Variants in SLC35F3 observed in about 807,000 individuals in gnomAD.
The protein encoded by SLC35F3 is putative thiamine transporter SLC35F3.
SLC35F3 carries 25 observed loss-of-function variants against 49.9 expected under a neutral mutation model. The observed-to-expected ratio is 0.50, with a 90% CI of 0.37 to 0.70. The LOEUF is 0.70. SLC35F3 is among the 30% of genes least tolerant of loss of function. The pLI is 0.00. For missense variants in SLC35F3, 525 were observed against 639.8 expected (o/e 0.82, Z 1.94); for synonymous variants, 275 against 265.4 (o/e 1.04, Z -0.35).
rs4615909 is a variant in SLC35F3 at position 233,957,746 on chromosome 1, A to T, written c.283+51988A>T. Among the ~76,000 whole-genome samples, 146,528 of 152,148 alleles carry T rather than the reference A, an allele frequency of 0.96. 70,793 individuals are homozygous for T. Among genetic ancestry groups the T allele is most frequent in the Middle Eastern group, 1 (294 of 294 alleles). On this transcript the variant is annotated intron_variant, in intron 2 of 7. Coordinates refer to ENST00000366618, the MANE Select transcript of SLC35F3 (RefSeq NM_173508.4). This position sits in a 1 kb window ranked among gnomAD's most constrained non-coding sequence, Gnocchi z 4.0. Reference sequence around the variant, plus strand: ...AGGAGAATCACTTGAACCCAAGAGGATGAGGTTGCATTGAGCCGAGACTGC... The same window carrying T: ...AGGAGAATCACTTGAACCCAAGAGGTTGAGGTTGCATTGAGCCGAGACTGC...
intron 3 of SLC35F3, among the ~76,000 whole-genome samples, chr1:234,280,851 C>A (rs77881368): frequency 0.061 from 9,239 of 152,236 alleles, 345 homozygotes; most frequent in African/African-American, 0.1. Context: ...GCAGAATTTG[C>A]ACCCAAGTAG....
intron 2 of SLC35F3, among the ~76,000 whole-genome samples, chr1:234,007,030 C>T (rs1264430477): frequency 1.3e-5 from 2 of 152,018 alleles, no homozygotes; most frequent in Non-Finnish European, 2.9e-5. Context: ...GCTGTTGATC[C>T]GAAACAGCCA....
chr1:233,944,068 A>G (rs1304024462), intron 2 of SLC35F3, among the ~76,000 whole-genome samples: 2 of 152,218 alleles, frequency 1.3e-5, no homozygotes, highest in South Asian at 2.1e-4. Flanking sequence ...ATAGCACTAA[A>G]TGCCCTATCC....
At chr1:234,073,487 T>C (rs1405184530) in intron 2 of SLC35F3, among the ~76,000 whole-genome samples, 2 of 152,168 alleles carry the variant, frequency 1.3e-5, no homozygotes, top group Non-Finnish European at 1.5e-5. Flanking sequence ...GCACCTTGCA[T>C]AGCTGGATAA....
intron 2 of SLC35F3, among the ~76,000 whole-genome samples, chr1:234,106,524 C>T (rs1665286553): frequency 6.6e-6 from 1 of 152,182 alleles, no homozygotes; most frequent in African/African-American, 2.4e-5. Context: ...TTGCTGTATC[C>T]TCACATGGCG....
At chr1:233,906,130 T>G (rs540184090) in intron 2 of SLC35F3, among the ~76,000 whole-genome samples, 1 of 152,328 alleles carries the variant, frequency 6.6e-6, no homozygotes, top group East Asian at 1.9e-4. Context: ...GGGCCCTCGG[T>G]CAGGTCTCAC....
chr1:234,053,545 G>A (rs1286696088), intron 2 of SLC35F3, among the ~76,000 whole-genome samples: 1 of 152,078 alleles, frequency 6.6e-6, no homozygotes, highest in Non-Finnish European at 1.5e-5. Context: ...CTCTGCATGT[G>A]AGATGGGTCT....
chr1:233,944,892 T>C (rs1432512678), intron 2 of SLC35F3, among the ~76,000 whole-genome samples: 1 of 152,118 alleles, frequency 6.6e-6, no homozygotes, highest in Non-Finnish European at 1.5e-5. Flanking sequence ...GCAACATTCC[T>C]TAGTTAAATG....
At chr1:234,064,121 C>T (rs1335839314) in intron 2 of SLC35F3, among the ~76,000 whole-genome samples, 9 of 152,132 alleles carry the variant, frequency 5.9e-5, no homozygotes, top group Non-Finnish European at 8.8e-5. Flanking sequence ...GTGGGGGGGA[C>T]TGTTTCCTTT....
intron 2 of SLC35F3, among the ~76,000 whole-genome samples, chr1:234,055,646 G>C (rs1017357080): frequency 1.2e-4 from 19 of 152,042 alleles, no homozygotes; most frequent in African/African-American, 4.1e-4. Context: ...TCATGCTCCA[G>C]GGGCTGCACC....
chr1:234,224,172 C>G (rs1667251303), intron 2 of SLC35F3, among the ~76,000 whole-genome samples: 1 of 152,190 alleles, frequency 6.6e-6, no homozygotes, highest in Admixed American at 6.5e-5. Flanking sequence ...TCGGGCAATC[C>G]TGCCACCTCA....
chr1:234,188,522 T>G (rs1393053908), intron 2 of SLC35F3, among the ~76,000 whole-genome samples: 1 of 151,836 alleles, frequency 6.6e-6, no homozygotes, highest in African/African-American at 2.4e-5. Context: ...ACACCCCCAT[T>G]CCCCACAGCA....
intron 2 of SLC35F3, among the ~76,000 whole-genome samples, chr1:233,926,610 A>C (rs1288767397): frequency 6.6e-6 from 1 of 151,864 alleles, no homozygotes; most frequent in African/African-American, 2.4e-5. Flanking sequence ...GTTTGTTATT[A>C]CCGATCTTCT....
intron 2 of SLC35F3, among the ~76,000 whole-genome samples, chr1:233,941,064 A>G (rs1388619594): frequency 6.6e-6 from 1 of 152,118 alleles, no homozygotes; most frequent in Non-Finnish European, 1.5e-5. Context: ...TCGTGCTTGC[A>G]TTTAGTGTAG....
intron 3 of SLC35F3, among the ~76,000 whole-genome samples, chr1:234,266,773 A>C (rs1166070625): frequency 2.6e-5 from 4 of 152,208 alleles, no homozygotes; most frequent in African/African-American, 7.2e-5. Flanking sequence ...GACATATCTA[A>C]ACATAGAAAA....
rs180876805 is a variant in SLC35F3 at position 234,028,208 on chromosome 1, C to G, written c.283+122450C>G. Among the ~76,000 whole-genome samples, 341 of 152,326 alleles carry G rather than the reference C, an allele frequency of 2.2e-3. 1 individual carries two copies. The highest frequency in any genetic ancestry group is 6.8e-3 in the Middle Eastern group (2 of 294). ...AGGCTCCAGGGCCCATCTTCCACCT[C>G]TGTTTGCACTGGCTGTGCCCCCGAT... On this transcript the variant is annotated intron_variant, in intron 2 of 7. Coordinates refer to ENST00000366618, the MANE Select transcript of SLC35F3 (RefSeq NM_173508.4).
chr1:234,140,876 C>T (rs547683436), intron 2 of SLC35F3, among the ~76,000 whole-genome samples: 111 of 152,246 alleles, frequency 7.3e-4, no homozygotes, highest in African/African-American at 2.5e-3. Flanking sequence ...CCTCAAGTTG[C>T]CAAGGAGTCA....
rs1175949699 is a variant in SLC35F3, at chr1:234,320,771, G to A, written c.1237+584G>A. On this transcript the variant is annotated intron_variant, in intron 7 of 7. Transcript: ENST00000366618. This position sits in a 1 kb window ranked among gnomAD's most constrained non-coding sequence, Gnocchi z 4.8. ...CTTTGTTTTCCCCTGGGGACTCGTT[G>A]CCAAGGCACACAGTTGACAGCTCTT... Among the ~76,000 whole-genome samples, 1 of 152,128 alleles carries A rather than the reference G, an allele frequency of 6.6e-6. No homozygotes were observed. Among genetic ancestry groups the A allele is most frequent in the African/African-American group, 2.4e-5 (1 of 41,442 alleles).
intron 2 of SLC35F3, among the ~76,000 whole-genome samples, chr1:233,969,983 T>C (rs1662966561): frequency 6.6e-6 from 1 of 152,228 alleles, no homozygotes; most frequent in Non-Finnish European, 1.5e-5. Context: ...GACCAATGAC[T>C]TCTGCTCCTG....
Sources: allele counts gnomAD v4.1 joint callset (sites outside exome capture counted in the v4.1 genomes callset), GRCh38; gene constraint gnomAD v4.1.1; non-coding constraint Gnocchi (gnomAD v3.1); transcripts MANE v1.5; gene names NCBI Gene and HGNC (gene_info 2026-07-23, HGNC 2026-07-21).